The following DLG2 variants were observed in gnomAD, a reference collection of about 807,000 sequenced individuals.
DLG2 encodes discs large MAGUK scaffold protein 2.
DLG2 carries 45 observed loss-of-function variants against 132.5 expected under a neutral mutation model. The ratio of observed to expected loss-of-function variants is 0.34; its 90% CI spans 0.27 to 0.44. The LOEUF (loss-of-function observed/expected upper bound fraction) is 0.44. Among genes scored for constraint, DLG2 ranks in the 20% least tolerant of loss-of-function variants. The pLI is 1.00. For synonymous variants in DLG2, 424 were observed against 419.6 expected (o/e 1.01, Z -0.13); for missense variants, 1,045 against 1,196.9 (o/e 0.87, Z 1.87).
chr11:83,890,655 T>C (rs1296995462), intron 15 of DLG2, among the ~76,000 whole-genome samples: 1 of 152,202 alleles, frequency 6.6e-6, no homozygotes, highest in Non-Finnish European at 1.5e-5. Context: ...AATAGTACCT[T>C]TTCACAGTTT....
At chr11:85,037,593 G>GA (rs922311969) in intron 6 of DLG2, among the ~76,000 whole-genome samples, 9 of 151,878 alleles carry the variant, frequency 5.9e-5, no homozygotes, top group Non-Finnish European at 1.0e-4. Flanking sequence ...ACTGCATCTA[G>GA]AAAAAATTAA....
intron 3 of DLG2, among the ~76,000 whole-genome samples, chr11:85,398,840 C>T (rs2087707841): frequency 6.6e-6 from 1 of 152,120 alleles, no homozygotes; most frequent in Non-Finnish European, 1.5e-5. Context: ...CAAATTCTAC[C>T]AGAGGTACAA....
intron 17 of DLG2, among the ~76,000 whole-genome samples, chr11:83,805,328 GTAT>G (rs2045620519): frequency 6.6e-6 from 1 of 151,498 alleles, no homozygotes; most frequent in Non-Finnish European, 1.5e-5. Context: ...TTATTAGCTG[GTAT>G]TATTTTGTGC....
intron 7 of DLG2, among the ~76,000 whole-genome samples, chr11:84,284,315 G>A (rs982152277): frequency 2.0e-5 from 3 of 152,222 alleles, no homozygotes; most frequent in African/African-American, 7.2e-5. Context: ...TCACATGACT[G>A]TGCCATGGCA....
intron 3 of DLG2, among the ~76,000 whole-genome samples, chr11:85,349,880 ACG>A (rs1376231265): frequency 2.0e-5 from 3 of 151,684 alleles, no homozygotes; most frequent in Non-Finnish European, 4.4e-5. Flanking sequence ...ATACGTGTGC[ACG>A]TGTCTTTATA....
At chr11:85,169,991 G>T (rs2152491303) in intron 4 of DLG2, among the ~76,000 whole-genome samples, 1 of 152,220 alleles carries the variant, frequency 6.6e-6, no homozygotes, top group East Asian at 1.9e-4. Flanking sequence ...CCTATGGGGG[G>T]AAAAGTTTCC....
chr11:84,414,633 A>G lies in DLG2; in HGVS notation c.519+119937T>C, dbSNP rs7101963. On this transcript the variant is annotated intron_variant, in intron 7 of 27. Coordinates refer to ENST00000376104, the MANE Select transcript of DLG2 (RefSeq NM_001142699.3). Reference sequence around the variant, plus strand: ...CTGTTTAAAGCACATATTCAAATGCAGTATATAATCAAGACTGATCTATCT... The same window carrying G: ...CTGTTTAAAGCACATATTCAAATGCGGTATATAATCAAGACTGATCTATCT... Among the ~76,000 whole-genome samples, 9 of 152,208 alleles carry G rather than the reference A, an allele frequency of 5.9e-5. No homozygotes were observed. In the East Asian group the frequency reaches 1.5e-3, roughly 26 times the overall value.
rs140502139 is a variant in DLG2, at chr11:83,756,713, G to A, written c.1825+29977C>T. ...CATTTGATAAAAGTAATCCAGCCCA[G>A]TTTTGAAAAAATATATAAACAAATA... On this transcript the variant is annotated intron_variant, in intron 18 of 27. Coordinates refer to ENST00000376104, the MANE Select transcript of DLG2 (RefSeq NM_001142699.3). 1.7e-3 allele frequency among the ~76,000 whole-genome samples: 260 copies of A among 151,442 alleles called. 15 individuals carry two copies. Among genetic ancestry groups the A allele is most frequent in the African/African-American group, 6.3e-3 (258 of 40,814 alleles).
At chr11:84,226,189 G>T (rs1339269246) in intron 8 of DLG2, among the ~76,000 whole-genome samples, 1 of 152,114 alleles carries the variant, frequency 6.6e-6, no homozygotes, top group Non-Finnish European at 1.5e-5. Flanking sequence ...TTTAACCAGG[G>T]TTCGCACATT....
chr11:83,786,216 G>A (rs2039899828), intron 18 of DLG2, among the ~76,000 whole-genome samples: 1 of 152,082 alleles, frequency 6.6e-6, no homozygotes, highest in African/African-American at 2.4e-5. Flanking sequence ...TTCAAACAAG[G>A]GATATTGTAG....
At chr11:84,617,774 G>A (rs1411740859) in intron 6 of DLG2, among the ~76,000 whole-genome samples, 2 of 152,022 alleles carry the variant, frequency 1.3e-5, no homozygotes, top group African/African-American at 4.8e-5. Flanking sequence ...GGTACACTAC[G>A]AAGAAGGGAG....
At chr11:83,749,725 C>T (rs981758456) in intron 18 of DLG2, among the ~76,000 whole-genome samples, 1 of 152,062 alleles carries the variant, frequency 6.6e-6, no homozygotes, top group Admixed American at 6.6e-5. Context: ...CTATGCACAG[C>T]GAAGTAAGAT....
intron 18 of DLG2, among the ~76,000 whole-genome samples, chr11:83,659,976 A>C (rs982130730): frequency 2.0e-5 from 3 of 152,196 alleles, no homozygotes; most frequent in Admixed American, 6.6e-5. Flanking sequence ...GTTCTGTCCC[A>C]GACTGGAATA....
chr11:84,546,921 A>T (rs538216321), intron 6 of DLG2: 1 of 163,288 alleles, frequency 6.1e-6, no homozygotes, highest in South Asian at 1.8e-4. Context: ...TGACAAATGT[A>T]TCTCAGTAGA....
chr11:84,586,069 T>A (rs914991242), intron 6 of DLG2, among the ~76,000 whole-genome samples: 18 of 150,342 alleles, frequency 1.2e-4, no homozygotes, highest in African/African-American at 4.5e-4. Flanking sequence ...GAGAATCGCT[T>A]GAACCTGGGA....
intron 22 of DLG2, among the ~76,000 whole-genome samples, chr11:83,481,454 T>C (rs1274841468): frequency 6.6e-6 from 1 of 152,146 alleles, no homozygotes; most frequent in Admixed American, 6.6e-5. Flanking sequence ...TGACAATAGT[T>C]ATACATTTTT....
intron 3 of DLG2, among the ~76,000 whole-genome samples, chr11:85,525,944 G>C (rs181441386): frequency 5.9e-5 from 9 of 152,252 alleles, no homozygotes; most frequent in Non-Finnish European, 1.0e-4. Context: ...GTACATGAAC[G>C]AGAGGAAACT....
intron 6 of DLG2, among the ~76,000 whole-genome samples, chr11:84,597,345 A>C (rs1023087958): frequency 6.6e-6 from 1 of 152,246 alleles, no homozygotes; most frequent in Non-Finnish European, 1.5e-5. Context: ...AAGTACTTGT[A>C]TTTCTCCTCC....
intron 7 of DLG2, chr11:84,273,016 T>C (rs1283770950): frequency 1.4e-6 from 1 of 722,674 alleles, no homozygotes. Flanking sequence ...ATATTTAGCC[T>C]GAATGAGAAC....
Sources: allele counts gnomAD v4.1 joint callset (sites outside exome capture counted in the v4.1 genomes callset), GRCh38; gene constraint gnomAD v4.1.1; transcripts MANE v1.5; gene names NCBI Gene and HGNC (gene_info 2026-07-23, HGNC 2026-07-21).